ZNF423: variants seen among roughly 807,000 people sequenced by gnomAD.
ZNF423 encodes the protein zinc finger protein 423, also known as Ebf-associated zinc finger protein.
In ZNF423, 12 loss-of-function variants were observed where a neutral mutation model predicts 95.8. That is an observed-to-expected ratio of 0.13 (90% CI 0.08 to 0.20). The LOEUF (loss-of-function observed/expected upper bound fraction) is 0.20, where lower values mean the gene tolerates loss of function less well. ZNF423 is among the 10% of genes least tolerant of loss of function. ZNF423 has a pLI of 1.00. For synonymous variants in ZNF423, 749 were observed against 711.9 expected (o/e 1.05, Z -0.83); for missense variants, 1,316 against 1,737.1 (o/e 0.76, Z 4.31).
chr16:49,768,126 G>T (rs1238538309), intron 2 of ZNF423, among the ~76,000 whole-genome samples: 1 of 152,226 alleles, frequency 6.6e-6, no homozygotes, highest in East Asian at 1.9e-4. Flanking sequence ...CACGAGGCTG[G>T]CAATTTCAGC....
chr16:49,508,914 T>G (rs1258922309), intron 7 of ZNF423, among the ~76,000 whole-genome samples: 1 of 152,130 alleles, frequency 6.6e-6, no homozygotes, highest in Non-Finnish European at 1.5e-5. Flanking sequence ...TATGACCAAT[T>G]AAACTACAGC....
intron 5 of ZNF423, among the ~76,000 whole-genome samples, chr16:49,571,087 C>G (rs913900999): frequency 1.3e-5 from 2 of 152,346 alleles, no homozygotes; most frequent in African/African-American, 4.8e-5. Flanking sequence ...CAACAAGGTG[C>G]TGAGCCTTCT....
chr16:49,858,502 C>G (rs2035396119), upstream of ZNF423, among the ~76,000 whole-genome samples: 1 of 151,898 alleles, frequency 6.6e-6, no homozygotes, highest in Non-Finnish European at 1.5e-5. This position sits in a 1 kb window ranked among gnomAD's most constrained non-coding sequence, Gnocchi z 4.3. Flanking sequence ...GGGTGACGGG[C>G]TAAACGCGAC....
chr16:49,686,494 C>T (rs2031568928), intron 3 of ZNF423, among the ~76,000 whole-genome samples: 1 of 152,102 alleles, frequency 6.6e-6, no homozygotes, highest in Admixed American at 6.5e-5. Flanking sequence ...CAGGAAGCAG[C>T]CCTGCAGCCA....
chr16:49,741,357 A>C (rs1319730726), intron 2 of ZNF423, among the ~76,000 whole-genome samples: 1 of 152,120 alleles, frequency 6.6e-6, no homozygotes, highest in Non-Finnish European at 1.5e-5. Flanking sequence ...AAAATAAAAA[A>C]TTAGCCGGGC....
rs1464297406 is a variant in ZNF423 at position 49,645,868 on chromosome 16, TCTC to T, written c.302-6997_302-6995del. Among the ~76,000 whole-genome samples the T allele has an allele frequency of 7.2e-5, 11 of 152,318 alleles. No homozygotes were observed. The South Asian group carries it at 2.3e-3, about 32-fold the overall frequency. On this transcript the variant is annotated intron_variant, in intron 3 of 7. Transcript: ENST00000563137. ...TCCCTCTTTGCTCAGCTCTCATTCT[TCTC>T]CTTCCTGCCACCATGTGAAGAAGGA...
At chr16:49,672,077 G>A (rs905724464) in intron 3 of ZNF423, among the ~76,000 whole-genome samples, 36 of 152,188 alleles carry the variant, frequency 2.4e-4, no homozygotes, top group African/African-American at 8.7e-4. Flanking sequence ...TTCTAGAAAG[G>A]TGAGACAGTG....
intron 3 of ZNF423, among the ~76,000 whole-genome samples, chr16:49,677,302 A>AAGGGAAGGGAAGG (rs1567284087): frequency 1.2e-4 from 9 of 75,074 alleles, no homozygotes; most frequent in Non-Finnish European, 2.2e-4. Context: ...AGAAGAGAAG[A>AAGGGAAGGGAAGG]GAAGAGAAAG....
At chr16:49,728,360 G>A (rs999040324) in intron 3 of ZNF423, among the ~76,000 whole-genome samples, 2 of 152,202 alleles carry the variant, frequency 1.3e-5, no homozygotes, top group Non-Finnish European at 2.9e-5. Flanking sequence ...GATGCGCTTA[G>A]GCAAGGTTGT....
At chr16:49,650,596 T>C (rs1348049018) in intron 3 of ZNF423, among the ~76,000 whole-genome samples, 1 of 152,162 alleles carries the variant, frequency 6.6e-6, no homozygotes, top group African/African-American at 2.4e-5. Context: ...GTTATTGTTA[T>C]TATCCCCATA....
chr16:49,857,301 C>CGTG (rs1220052176), upstream of ZNF423, among the ~76,000 whole-genome samples: 2 of 107,088 alleles, frequency 1.9e-5, no homozygotes, highest in Admixed American at 8.9e-5. The surrounding 1 kb of genome is among the most constrained non-coding windows in gnomAD (Gnocchi z 6.2). Context: ...AAACCCGGAC[C>CGTG]GTGGTGGCGG....
intron 2 of ZNF423, among the ~76,000 whole-genome samples, chr16:49,732,465 C>A (rs932861555): frequency 2.6e-5 from 4 of 152,140 alleles, no homozygotes; most frequent in Non-Finnish European, 4.4e-5. Flanking sequence ...TTTACCCATC[C>A]GGAAACTAGC....
intron 3 of ZNF423, among the ~76,000 whole-genome samples, chr16:49,712,659 T>G (rs1402129398): frequency 6.6e-6 from 1 of 152,272 alleles, no homozygotes; most frequent in Non-Finnish European, 1.5e-5. Context: ...AACCTCGGCC[T>G]GCAGCCGCCA....
At chr16:49,590,501 G>A (rs926044602) in intron 5 of ZNF423, among the ~76,000 whole-genome samples, 4 of 152,116 alleles carry the variant, frequency 2.6e-5, no homozygotes. Flanking sequence ...TTAAAAGCAG[G>A]GATAAAGACA....
chr16:49,522,550 C>A (rs577581969), intron 7 of ZNF423, among the ~76,000 whole-genome samples: 2 of 152,224 alleles, frequency 1.3e-5, no homozygotes, highest in African/African-American at 4.8e-5. Flanking sequence ...TTTGTTATTG[C>A]AGCCTAACCT....
At chr16:49,496,829 C>T (rs56389734) in intron 7 of ZNF423, among the ~76,000 whole-genome samples, 19,952 of 152,114 alleles carry the variant, frequency 0.13, 1,497 homozygotes, top group South Asian at 0.25. Context: ...GGGTGCTCCA[C>T]GGCAGAGGGA....
chr16:49,572,902 AC>A (rs1970394710), intron 5 of ZNF423, among the ~76,000 whole-genome samples: 1 of 152,198 alleles, frequency 6.6e-6, no homozygotes, highest in African/African-American at 2.4e-5. Context: ...AACTCATGTG[AC>A]CAACTCATGT....
At chr16:49,495,047 G>A (rs904490876) in intron 7 of ZNF423, among the ~76,000 whole-genome samples, 8 of 152,222 alleles carry the variant, frequency 5.3e-5, no homozygotes, top group African/African-American at 1.4e-4. Context: ...CATAAAGGCT[G>A]GGGGTGGAGA....
chr16:49,788,776 A>G (rs1395932597), intron 2 of ZNF423, among the ~76,000 whole-genome samples: 1 of 152,226 alleles, frequency 6.6e-6, no homozygotes, highest in African/African-American at 2.4e-5. Context: ...CATCACTGCC[A>G]AGAGAGGCCC....
Sources: gnomAD v4.1 joint callset for allele counts (sites outside exome capture counted in the v4.1 genomes callset) on GRCh38, gnomAD v4.1.1 for gene constraint, Gnocchi (gnomAD v3.1) non-coding constraint, MANE v1.5 for transcripts, NCBI Gene and HGNC (gene_info 2026-07-23, HGNC 2026-07-21) for gene names.